MIA2: variants seen among roughly 807,000 people sequenced by gnomAD.
MIA2 encodes the protein melanoma inhibitory activity protein 2.
A neutral mutation model predicts 167.8 loss-of-function variants in MIA2; 127 were observed. The observed-to-expected ratio is 0.76, with a 90% confidence interval of 0.66 to 0.88. The LOEUF (loss-of-function observed/expected upper bound fraction) is 0.88. Ranked by LOEUF, MIA2 falls within the 40% of genes least tolerant of loss-of-function variation. The pLI, the probability that MIA2 is intolerant of heterozygous loss-of-function variation, is 0.00. For missense variants in MIA2, 1,690 were observed against 1,624.7 expected (o/e 1.04, Z -0.69); for synonymous variants, 552 against 541.9 (o/e 1.02, Z -0.26).
chr14:39,342,738 A>G (rs1325477761), intron 25 of MIA2, among the ~76,000 whole-genome samples: 8 of 152,206 alleles, frequency 5.3e-5, no homozygotes, highest in East Asian at 3.8e-4. Context: ...AAAGCACACT[A>G]TTTACATGAA....
intron 6 of MIA2, 136 bp downstream of exon 6, chr14:39,253,307 G>A: frequency 3.5e-6 from 4 of 1,137,284 alleles, no homozygotes; most frequent in South Asian, 1.4e-5. Context: ...CATCTTACCT[G>A]TAAGATTTCT....
chr14:39,316,488 G>A lies in MIA2; in HGVS notation c.3216+770G>A, dbSNP rs957951715. Among the ~76,000 whole-genome samples, 6 of 152,200 alleles carry A rather than the reference G, an allele frequency of 3.9e-5. No individual in the cohort carries two copies. In the East Asian group the frequency reaches 1.2e-3, roughly 29 times the overall value. On this transcript the variant is annotated intron_variant, in intron 21 of 28. Coordinates refer to ENST00000640607, the MANE Select transcript of MIA2 (RefSeq NM_001329214.4). ...ACCTATTTCATAGGGTTATTGTGAT[G>A]ATTAAATTCATGTAAGGTTGTTGCC... is the stretch of plus-strand genomic sequence containing the variant.
intron 25 of MIA2, among the ~76,000 whole-genome samples, chr14:39,339,123 T>A (rs1329611914): frequency 1.3e-5 from 2 of 152,160 alleles, no homozygotes; most frequent in Non-Finnish European, 2.9e-5. Flanking sequence ...ATCCCTCACA[T>A]GCGCAGTTCA....
At chr14:39,273,223 T>C (rs2057433256) in intron 6 of MIA2, among the ~76,000 whole-genome samples, 1 of 148,954 alleles carries the variant, frequency 6.7e-6, no homozygotes, top group Non-Finnish European at 1.5e-5. Context: ...GTTCCTGATC[T>C]TAGGAGAAAA....
At chr14:39,272,542 C>T (rs975157174) in intron 6 of MIA2, among the ~76,000 whole-genome samples, 2 of 152,192 alleles carry the variant, frequency 1.3e-5, no homozygotes, top group African/African-American at 4.8e-5. Flanking sequence ...CACTAGGGAC[C>T]CGCCCCTATC....
At chr14:39,263,350 A>T (rs1292499018) in intron 6 of MIA2, among the ~76,000 whole-genome samples, 1 of 149,140 alleles carries the variant, frequency 6.7e-6, no homozygotes, top group African/African-American at 2.5e-5. Flanking sequence ...CCAGCCTTGC[A>T]TCCCAGGGAT....
rs759554403 is a variant in MIA2, at chr14:39,320,952, C to A, written c.3392C>A (p.Pro1131Gln). The A allele has an allele frequency of 3.1e-6, 5 of 1,613,478 alleles. No individual in the cohort carries two copies. In the African/African-American group the frequency reaches 6.7e-5, roughly 22 times the overall value. ...GREHSPYGPS[P>Q]LGWPSSETRA... ...GAGCATTCCCCATATGGTCCCTCAC[C>A]ATTGGGTTGGCCTTCATCTGAAACA... The change falls in exon 24 of 29, where the codon CCA (proline) becomes CAA (glutamine). Residue 1131 changes from proline to glutamine, a missense_variant. Transcript: ENST00000640607.
chr14:39,279,396 T>A (rs781035258), intron 8 of MIA2, 38 bp downstream of exon 8: 17 of 1,605,580 alleles, frequency 1.1e-5, no homozygotes, highest in Admixed American at 1.7e-5. Flanking sequence ...CATTGTTGTG[T>A]TGTAAAAACT....
At chr14:39,307,882 A>C (rs116805118) in intron 17 of MIA2, among the ~76,000 whole-genome samples, 1,710 of 152,178 alleles carry the variant, frequency 0.011, 32 homozygotes, top group African/African-American at 0.036. Flanking sequence ...ATGGGAGCTA[A>C]AAAAGTTGAT....
At chr14:39,308,673 G>T in intron 18 of MIA2, 86 bp downstream of exon 18, 1 of 1,076,218 alleles carries the variant, frequency 9.3e-7, no homozygotes, top group Non-Finnish European at 1.3e-6. Context: ...AGTGATTATT[G>T]AAAGTTCTCA....
intron 3 of MIA2, among the ~76,000 whole-genome samples, 185 bp from the exon 4 acceptor site, chr14:39,246,726 T>G (rs55706043): frequency 0.07 from 10,689 of 152,148 alleles, 398 homozygotes; most frequent in African/African-American, 0.096. Context: ...TGTAAAAGGT[T>G]TTTCATTTAG....
chr14:39,385,365 ACATT>A, intron 23 of MIA2: 2 of 967,460 alleles, frequency 2.1e-6, no homozygotes, highest in South Asian at 2.6e-5. Context: ...CACAAACAAG[ACATT>A]CATAAACTAT....
rs534901644 is a variant in MIA2, at chr14:39,314,750, A to C, written c.3131A>C (p.Lys1044Thr). 3 of 1,608,458 alleles carry C rather than the reference A, an allele frequency of 1.9e-6. No individual in the cohort carries two copies. The East Asian group carries it at 6.7e-5, about 36-fold the overall frequency. ...TTCGTTCCATTTAGAAAGCGAGCCA[A>C]AGATCTTGAAGAAGAATTGGAGAGA... ...EELETYRKRA[K>T]DLEEELERTI... is the part of the protein sequence containing the mutation. The change falls in exon 20 of 29, where the codon AAA (lysine) becomes ACA (threonine). Residue 1044 changes from lysine to threonine, a missense_variant. By Grantham distance (78) the Lys-to-Thr change is moderately conservative. Coordinates refer to ENST00000640607, the MANE Select transcript of MIA2 (RefSeq NM_001329214.4).
At chr14:39,380,550 G>A (rs949715731) in intron 23 of MIA2, among the ~76,000 whole-genome samples, 1 of 151,998 alleles carries the variant, frequency 6.6e-6, no homozygotes, top group Admixed American at 6.5e-5. Flanking sequence ...AAAATTAGCT[G>A]GGCATGGTGG....
chr14:39,346,553 G>A (rs1032391954), intron 26 of MIA2, among the ~76,000 whole-genome samples: 1 of 151,930 alleles, frequency 6.6e-6, no homozygotes, highest in African/African-American at 2.4e-5. Context: ...GATGTATGCA[G>A]TGTATCAACC....
chr14:39,299,824 C>CT (rs778500312), intron 13 of MIA2, 40 bp from the exon 14 acceptor site: 1 of 1,579,516 alleles, frequency 6.3e-7, no homozygotes, highest in Non-Finnish European at 8.5e-7. Context: ...TAATGATTCA[C>CT]TTGTGTGATG....
At chr14:39,359,356 G>A (rs965043463) in intron 23 of MIA2, among the ~76,000 whole-genome samples, 17 of 152,210 alleles carry the variant, frequency 1.1e-4, no homozygotes, top group African/African-American at 3.4e-4. Context: ...TGAGCCAGGC[G>A]TGGGATATAA....
At chr14:39,311,285 C>G (rs898657983) in intron 18 of MIA2, among the ~76,000 whole-genome samples, 28 of 114,928 alleles carry the variant, frequency 2.4e-4, no homozygotes, top group Middle Eastern at 8.3e-3. Flanking sequence ...GGCACTTCTT[C>G]AGAGTAGAAT....
chr14:39,305,830 G>T (rs1458617995), intron 17 of MIA2, among the ~76,000 whole-genome samples: 1 of 151,962 alleles, frequency 6.6e-6, no homozygotes, highest in African/African-American at 2.4e-5. Flanking sequence ...CAGCTGCTTG[G>T]GAGGCTGAGG....
Sources: allele counts gnomAD v4.1 joint callset (sites outside exome capture counted in the v4.1 genomes callset), GRCh38; gene constraint gnomAD v4.1.1; transcripts MANE v1.5; gene names NCBI Gene and HGNC (gene_info 2026-07-23, HGNC 2026-07-21).